Variants in PTBP2 observed in about 807,000 individuals in gnomAD.
PTBP2 encodes the protein polypyrimidine tract-binding protein 2.
A neutral mutation model predicts 61.4 loss-of-function variants in PTBP2; 13 were observed. The observed-to-expected ratio is 0.21, with a 90% confidence interval of 0.14 to 0.34. PTBP2 has a LOEUF of 0.34. PTBP2 is among the 10% of genes least tolerant of loss of function. PTBP2 has a pLI of 1.00. For synonymous variants in PTBP2, 215 were observed against 218.5 expected, an observed-to-expected ratio of 0.98 and a Z score of 0.14; for missense variants, 405 against 642.6, an observed-to-expected ratio of 0.63 and a Z score of 4.00.
chr1:96,792,051 A>T (rs1445390352), intron 8 of PTBP2, among the ~76,000 whole-genome samples: 1 of 151,786 alleles, frequency 6.6e-6, no homozygotes, highest in African/African-American at 2.4e-5. Flanking sequence ...GTTAGCCAGG[A>T]TGGTCTTGAT....
Position 96,785,051 on chromosome 1 carries a change from T to A in PTBP2, c.709-8T>A. The A allele has an allele frequency of 6.5e-7, 1 of 1,532,552 alleles. No individual in the cohort carries two copies. Among genetic ancestry groups the A allele is most frequent in the Non-Finnish European group, 8.8e-7 (1 of 1,140,838 alleles). 94.9% of individuals were successfully genotyped at this position (1,532,552 alleles called of 1,614,324 possible). ...AAGATTGCTGATATGCTTTATTCAC[T>A]TTTACAGGCCCTAGATGGTCAGAAT... is the stretch of plus-strand genomic sequence containing the variant. On this transcript the variant is annotated splice_polypyrimidine_tract_variant and splice_region_variant and intron_variant, in intron 7 of 13. Transcript: ENST00000674951.
chr1:96,764,334 C>G (rs1402855932), intron 3 of PTBP2, among the ~76,000 whole-genome samples: 1 of 152,188 alleles, frequency 6.6e-6, no homozygotes, highest in African/African-American at 2.4e-5. Flanking sequence ...AAAAATACAA[C>G]TGTTCCTAAG....
intron 3 of PTBP2, among the ~76,000 whole-genome samples, chr1:96,769,108 G>C (rs1657089322): frequency 1.3e-5 from 2 of 151,906 alleles, no homozygotes; most frequent in Non-Finnish European, 2.9e-5. Context: ...TGCATTGTTA[G>C]GTAATTTTGT....
At chr1:96,752,747 G>T (rs1205003587) in intron 3 of PTBP2, among the ~76,000 whole-genome samples, 1 of 152,112 alleles carries the variant, frequency 6.6e-6, no homozygotes, top group Non-Finnish European at 1.5e-5. Flanking sequence ...TAGTGACAGA[G>T]TAACTAGTAG....
intron 2 of PTBP2, among the ~76,000 whole-genome samples, chr1:96,749,936 T>C (rs1654330715): frequency 6.6e-6 from 1 of 152,174 alleles, no homozygotes; most frequent in Non-Finnish European, 1.5e-5. Context: ...GCACCCTTTC[T>C]TAATACAGTA....
intron 2 of PTBP2, among the ~76,000 whole-genome samples, chr1:96,731,497 G>A (rs1387996844): frequency 6.6e-6 from 1 of 151,996 alleles, no homozygotes; most frequent in African/African-American, 2.4e-5. Context: ...ATATATATTT[G>A]AATTAAGTGA....
At chr1:96,794,585 T>C (rs766441605) in intron 8 of PTBP2, among the ~76,000 whole-genome samples, 3 of 152,186 alleles carry the variant, frequency 2.0e-5, no homozygotes, top group Non-Finnish European at 2.9e-5. Context: ...GTTTATTCTT[T>C]ATTGTATTAT....
chr1:96,776,325 AT>A (rs1658036584), intron 5 of PTBP2, among the ~76,000 whole-genome samples: 1 of 151,750 alleles, frequency 6.6e-6, no homozygotes, highest in Admixed American at 6.6e-5. Flanking sequence ...ATTTACAATT[AT>A]TTTTTCAATA....
At chr1:96,811,440 CAG>C (rs536063046) in intron 11 of PTBP2, among the ~76,000 whole-genome samples, 81 of 152,148 alleles carry the variant, frequency 5.3e-4, no homozygotes, top group Middle Eastern at 3.4e-3. Flanking sequence ...TGTTTTGAGA[CAG>C]AGTCTCGCTC....
intron 2 of PTBP2, among the ~76,000 whole-genome samples, chr1:96,733,793 C>T (rs1478477918): frequency 1.3e-5 from 2 of 152,212 alleles, no homozygotes. Context: ...TCTTCTCCCT[C>T]TTCCACCCAA....
intron 8 of PTBP2, among the ~76,000 whole-genome samples, chr1:96,786,988 T>C (rs1285815048): frequency 2.0e-5 from 3 of 152,196 alleles, no homozygotes; most frequent in East Asian, 3.9e-4. Context: ...TGTGATCTTA[T>C]GACCTTGCTG....
intron 1 of PTBP2, among the ~76,000 whole-genome samples, chr1:96,722,173 C>T (rs1307036510): frequency 6.6e-6 from 1 of 151,958 alleles, no homozygotes; most frequent in East Asian, 1.9e-4. Flanking sequence ...AACCCCATAA[C>T]GTCTCCCCGG....
intron 3 of PTBP2, among the ~76,000 whole-genome samples, chr1:96,753,052 G>A (rs1278606916): frequency 1.3e-5 from 2 of 152,138 alleles, no homozygotes; most frequent in Non-Finnish European, 2.9e-5. Context: ...GAGAAGTCCT[G>A]GAGAAAAGAG....
At chr1:96,733,496 T>G (rs1187563376) in intron 2 of PTBP2, among the ~76,000 whole-genome samples, 1 of 152,044 alleles carries the variant, frequency 6.6e-6, no homozygotes, top group African/African-American at 2.4e-5. Flanking sequence ...CTGGTCCTCA[T>G]AGCAAGACCC....
At chr1:96,784,336 C>T (rs968519800) in intron 7 of PTBP2, among the ~76,000 whole-genome samples, 10 of 151,974 alleles carry the variant, frequency 6.6e-5, no homozygotes, top group Admixed American at 4.6e-4. Context: ...GTCATCATTC[C>T]TGTTTTCCCG....
At chr1:96,760,043 G>C (rs1655625918) in intron 3 of PTBP2, among the ~76,000 whole-genome samples, 1 of 152,090 alleles carries the variant, frequency 6.6e-6, no homozygotes, top group Admixed American at 6.6e-5. Flanking sequence ...GCATTGGAAA[G>C]ACCTGCCCCC....
intron 2 of PTBP2, among the ~76,000 whole-genome samples, chr1:96,737,146 A>AT (rs1206017990): frequency 1.3e-5 from 2 of 151,592 alleles, no homozygotes; most frequent in Non-Finnish European, 2.9e-5. Flanking sequence ...CACCCGGCTA[A>AT]TTTTTTGTAT....
intron 2 of PTBP2, among the ~76,000 whole-genome samples, chr1:96,746,913 CCCTTCCTTCCTTCCTTCCTT>C (rs1214485803): frequency 0.13 from 3,680 of 29,412 alleles, 426 homozygotes; most frequent in African/African-American, 0.26. Context: ...CTCCCTCCCT[CCCTTCCTTCCTTCCTTCCTT>C]CCTTCCTTCC....
intron 2 of PTBP2, among the ~76,000 whole-genome samples, chr1:96,747,675 GTTTC>G (rs1654022566): frequency 6.6e-6 from 1 of 151,854 alleles, no homozygotes; most frequent in South Asian, 2.1e-4. Context: ...GAGTTTTTTT[GTTTC>G]TTTTTCTGTC....
Sources: allele counts gnomAD v4.1 joint callset (sites outside exome capture counted in the v4.1 genomes callset), GRCh38; gene constraint gnomAD v4.1.1; transcripts MANE v1.5; gene names NCBI Gene and HGNC (gene_info 2026-07-23, HGNC 2026-07-21).